The following CA4 variants were observed in gnomAD, a reference collection of about 807,000 sequenced individuals.
CA4 encodes the protein CA-IV.
CA4 carries 24 observed loss-of-function variants against 34.5 expected under a neutral mutation model. The ratio of observed to expected loss-of-function variants is 0.70; its 90% CI spans 0.50 to 0.98. The LOEUF (loss-of-function observed/expected upper bound fraction) is 0.98, where lower values mean the gene tolerates loss of function less well. Among genes scored for constraint, CA4 ranks in the 50% least tolerant of loss-of-function variants. The pLI, the probability that CA4 is intolerant of heterozygous loss-of-function variation, is 0.00. For synonymous variants in CA4, 178 were observed against 170.6 expected (o/e 1.04, Z -0.34); for missense variants, 394 against 396.7 (o/e 0.99, Z 0.06).
At chr17:60,169,786 G>A (rs749324996) in intron 5 of CA4, among the ~76,000 whole-genome samples, 2 of 152,212 alleles carry the variant, frequency 1.3e-5, no homozygotes, top group African/African-American at 2.4e-5. Flanking sequence ...ACTGCCCCCG[G>A]CCAATGCTGA....
intron 5 of CA4, among the ~76,000 whole-genome samples, chr17:60,166,450 T>C (rs953830858): frequency 2.0e-5 from 3 of 152,220 alleles, no homozygotes; most frequent in African/African-American, 7.2e-5. Context: ...TTTCTATAAG[T>C]GAAGTTTCTG....
At chr17:60,172,499 AAG>A (rs1288580539), downstream of CA4, among the ~76,000 whole-genome samples, 1 of 152,202 alleles carries the variant, frequency 6.6e-6, no homozygotes, top group Non-Finnish European at 1.5e-5. Flanking sequence ...GAATATGAAA[AAG>A]AGAGAAATTA....
Position 60,150,102 on chromosome 17 carries a change from C to G in CA4, c.58+10C>G, listed in dbSNP as rs756230727. The G allele has an allele frequency of 4.4e-4, 704 of 1,593,438 alleles. 2 individuals carry two copies. Among genetic ancestry groups the G allele is most frequent in the Non-Finnish European group, 5.5e-4 (643 of 1,176,806 alleles). Reference sequence around the variant, plus strand: ...CCATCGGCCAGTGCAGGTGAGCTCCCGGGCTCCGGCCCCAGGTGCCCCTCG... The same window carrying G: ...CCATCGGCCAGTGCAGGTGAGCTCCGGGGCTCCGGCCCCAGGTGCCCCTCG... On this transcript the variant is annotated intron_variant, in intron 1 of 7. Coordinates refer to ENST00000300900, the MANE Select transcript of CA4 (RefSeq NM_000717.5).
intron 1 of CA4, among the ~76,000 whole-genome samples, chr17:60,150,857 G>T (rs940584583): frequency 6.6e-6 from 1 of 151,426 alleles, no homozygotes; most frequent in Non-Finnish European, 1.5e-5. Flanking sequence ...TTCCCACACG[G>T]GTTCCTTGCC....
At chr17:60,155,233 A>T in intron 1 of CA4, 81 bp from the exon 2 acceptor site, 1 of 1,337,352 alleles carries the variant, frequency 7.5e-7, no homozygotes, top group Admixed American at 1.9e-5. Flanking sequence ...CCCCAGGGGT[A>T]GGCCCAGCCT....
chr17:60,160,815 TGGGAGGAGGCCA>T, downstream of CA4, among the ~76,000 whole-genome samples: 1 of 137,218 alleles, frequency 7.3e-6, no homozygotes, highest in Non-Finnish European at 1.5e-5. Flanking sequence ...AAGGGGCGGC[TGGGAGGAGGCCA>T]GAGATGGAGG....
At chr17:60,175,208 T>TTA (rs1466834327), downstream of CA4, among the ~76,000 whole-genome samples, 1 of 150,404 alleles carries the variant, frequency 6.6e-6, no homozygotes, top group Non-Finnish European at 1.5e-5. Flanking sequence ...TTTTTTTTTT[T>TTA]TAGTAGAAAT....
intron 1 of CA4, among the ~76,000 whole-genome samples, chr17:60,152,170 A>T (rs186844200): frequency 3.1e-4 from 47 of 152,170 alleles, no homozygotes; most frequent in African/African-American, 1.1e-3. Context: ...GGCGCTGGAC[A>T]CCGAGACCTC....
intron 5 of CA4, among the ~76,000 whole-genome samples, chr17:60,164,714 A>G (rs1381125532): frequency 6.6e-6 from 1 of 152,040 alleles, no homozygotes; most frequent in Non-Finnish European, 1.5e-5. Flanking sequence ...AAACACTATT[A>G]TTTCCTCTGT....
At chr17:60,158,473 G>T (rs772523277) in intron 7 of CA4, 27 bp downstream of exon 7, 2 of 1,609,810 alleles carry the variant, frequency 1.2e-6, no homozygotes, top group South Asian at 2.2e-5. Context: ...GCAGGGCATG[G>T]GCTCCCACTG....
chr17:60,157,927 C>A, intron 5 of CA4, 134 bp from the exon 6 acceptor site: 1 of 1,549,414 alleles, frequency 6.5e-7, no homozygotes, highest in South Asian at 1.2e-5. Context: ...GTTGCATGTC[C>A]CCGGGCCAGG....
Position 60,158,091 on chromosome 17 carries a change from C to G in CA4, c.544C>G (p.Pro182Ala). 2 of 1,614,064 alleles carry G rather than the reference C, an allele frequency of 1.2e-6. No individual in the cohort carries two copies. Among genetic ancestry groups the G allele is most frequent in the East Asian group, 4.5e-5 (2 of 44,866 alleles). The change falls in exon 6 of 8, where the codon CCA (proline) becomes GCA (alanine). Residue 182 changes from proline (P) to alanine (A), a missense_variant. Coordinates refer to ENST00000300900, the MANE Select transcript of CA4 (RefSeq NM_000717.5). Reference sequence around the variant, plus strand: ...AACCCAGGTGAACGAGGGCTTCCAGCCACTGGTGGAGGCACTGTCTAATAT... The same window carrying G: ...AACCCAGGTGAACGAGGGCTTCCAGGCACTGGTGGAGGCACTGTCTAATAT... ...AGTQVNEGFQ[P>A]LVEALSNIPK... is the part of the protein sequence containing the mutation.
intron 5 of CA4, among the ~76,000 whole-genome samples, chr17:60,169,055 TG>T (rs1207544820): frequency 6.6e-6 from 1 of 152,146 alleles, no homozygotes; most frequent in African/African-American, 2.4e-5. Context: ...GGGGCCAGCC[TG>T]GCCAACATGG....
At chr17:60,164,293 TTTC>T (rs2083831756), downstream of CA4, among the ~76,000 whole-genome samples, 1 of 150,936 alleles carries the variant, frequency 6.6e-6, no homozygotes, top group African/African-American at 2.4e-5. Flanking sequence ...CCTTTCTTTC[TTTC>T]TTTTTCTTTC....
At chr17:60,166,169 G>A (rs947958314) in intron 5 of CA4, among the ~76,000 whole-genome samples, 1 of 152,178 alleles carries the variant, frequency 6.6e-6, no homozygotes, top group African/African-American at 2.4e-5. Flanking sequence ...CTGTGGGCAG[G>A]GCAGCTGGGA....
At chr17:60,166,575 T>C (rs1278835342) in intron 5 of CA4, among the ~76,000 whole-genome samples, 1 of 152,264 alleles carries the variant, frequency 6.6e-6, no homozygotes, top group Non-Finnish European at 1.5e-5. Flanking sequence ...CACTTAATCC[T>C]TAGAATAACA....
chr17:60,173,428 T>C (rs2083929924), downstream of CA4, among the ~76,000 whole-genome samples: 1 of 152,210 alleles, frequency 6.6e-6, no homozygotes, highest in Non-Finnish European at 1.5e-5. Context: ...TTTGTCCATC[T>C]GAATCACCCT....
At chr17:60,158,545 G>T in intron 7 of CA4, 99 bp downstream of exon 7, 1 of 1,247,146 alleles carries the variant, frequency 8.0e-7, no homozygotes. Context: ...TACAGGTGGG[G>T]AGCCCAGGTA....
rs1454164175 is a variant in CA4, at chr17:60,159,444, G to A, written c.*20G>A. 3 of 1,607,882 alleles carry A rather than the reference G, an allele frequency of 1.9e-6. No homozygotes were observed. The highest frequency in any genetic ancestry group is 1.3e-5 in the African/African-American group (1 of 74,824). The stretch of plus-strand genomic sequence containing the variant: ...CGATGATGGCTCACTTCTGCACGCA[G>A]CCTCTCTGTTGCCTCAGCTCTCCAA... On this transcript the variant is annotated 3_prime_UTR_variant, in exon 8 of 8. Transcript: ENST00000300900.
Sources: gnomAD v4.1 joint callset for allele counts (sites outside exome capture counted in the v4.1 genomes callset) on GRCh38, gnomAD v4.1.1 for gene constraint, MANE v1.5 for transcripts, NCBI Gene and HGNC (gene_info 2026-07-23, HGNC 2026-07-21) for gene names.